NHSL2: variants seen among roughly 807,000 people sequenced by gnomAD.
NHSL2 encodes NHS like 2, also known as NHS-like protein 2.
A neutral mutation model predicts 53.4 loss-of-function variants in NHSL2; 27 were observed. The ratio of observed to expected loss-of-function variants is 0.51; its 90% confidence interval spans 0.37 to 0.70. The LOEUF (loss-of-function observed/expected upper bound fraction) is 0.70, where lower values mean the gene tolerates loss of function less well. NHSL2 is among the 30% of genes least tolerant of loss of function. NHSL2 has a pLI of 0.00. For missense variants in NHSL2, 892 were observed against 980.1 expected (o/e 0.91, Z 1.20); for synonymous variants, 408 against 404.1 (o/e 1.01, Z -0.12).
chrX:71,930,972 C>T (rs1389414630), intron 1 of NHSL2, among the ~76,000 whole-genome samples: 1 of 112,195 alleles, frequency 8.9e-6, no homozygotes, highest in Non-Finnish European at 1.9e-5. Context: ...GAGGAACTGC[C>T]AGACTGTTTT....
chrX:72,031,289 C>T (rs5951197), intron 1 of NHSL2, among the ~76,000 whole-genome samples: 5,919 of 111,100 alleles, frequency 0.053, 159 homozygotes, highest in South Asian at 0.097. Context: ...GACTCCTACA[C>T]ACCTGTTTTG....
intron 1 of NHSL2, chrX:72,069,661 C>T (rs964510348): frequency 4.8e-4 from 448 of 935,392 alleles, no homozygotes; most frequent in East Asian, 5.0e-4. Flanking sequence ...CAGCGGCCGC[C>T]GCGGTGGCTG....
rs984572451 is a variant in NHSL2 at position 72,115,246 on chromosome X, T to A, written c.281-16833T>A. ...CCTCGTTAACACTGAACCAGTTTGT[T>A]CTCCATGTCCGGCAATCAATTTTCA... On this transcript the variant is annotated intron_variant, in intron 1 of 7. Coordinates refer to ENST00000633930, the MANE Select transcript of NHSL2 (RefSeq NM_001013627.3). 3.6e-5 allele frequency among the ~76,000 whole-genome samples: 4 copies of A among 110,249 alleles called. No homozygotes were observed. The Admixed American group carries it at 3.8e-4, about 11-fold the overall frequency.
rs2042356905 is a variant in NHSL2, at chrX:72,136,512, T to C, written c.761-582T>C. 2.7e-5 allele frequency among the ~76,000 whole-genome samples: 3 copies of C among 112,180 alleles called. No individual in the cohort carries two copies. In the South Asian group the frequency reaches 1.1e-3, roughly 42 times the overall value. ...AGAAAGAAATAGAGCTCAATCACCATGCTGTGAGCCAGCTTTGGTAAAATG... is the reference window on the plus strand; with the variant it reads ...AGAAAGAAATAGAGCTCAATCACCACGCTGTGAGCCAGCTTTGGTAAAATG... On this transcript the variant is annotated intron_variant, in intron 4 of 7. Transcript: ENST00000633930.
At chrX:72,071,715 G>A (rs2041702500) in intron 1 of NHSL2, among the ~76,000 whole-genome samples, 1 of 111,257 alleles carries the variant, frequency 9.0e-6, no homozygotes, top group African/African-American at 3.3e-5. Flanking sequence ...CTTCTTGCTC[G>A]CTTTTCTCTC....
intron 1 of NHSL2, among the ~76,000 whole-genome samples, chrX:71,947,604 T>C (rs940961776): frequency 6.3e-5 from 7 of 111,766 alleles, no homozygotes; most frequent in African/African-American, 2.0e-4. Context: ...GGCCTTATGC[T>C]AGGGTGCTTC....
chrX:71,937,834 A>G (rs1229046390), intron 1 of NHSL2, among the ~76,000 whole-genome samples: 1 of 112,078 alleles, frequency 8.9e-6, no homozygotes, highest in Admixed American at 9.4e-5. Context: ...TATGTCTATG[A>G]TGAGTTAGCT....
At chrX:72,044,018 C>G (rs1487745719) in intron 1 of NHSL2, among the ~76,000 whole-genome samples, 2 of 111,981 alleles carry the variant, frequency 1.8e-5, no homozygotes, top group Non-Finnish European at 3.8e-5. Context: ...GGTCCCTGTC[C>G]TGAAAGCTAC....
intron 1 of NHSL2, among the ~76,000 whole-genome samples, chrX:72,119,424 C>G (rs1315860007): frequency 8.9e-6 from 1 of 111,914 alleles, no homozygotes; most frequent in Non-Finnish European, 1.9e-5. Flanking sequence ...TTGTTTCCAC[C>G]TTTAATTTTG....
Position 72,087,290 on chromosome X carries a change from G to A in NHSL2, c.281-44789G>A, listed in dbSNP as rs1332444627. Among the ~76,000 whole-genome samples the A allele has an allele frequency of 8.9e-5, 10 of 112,593 alleles. No homozygotes were observed. In the Admixed American group the frequency reaches 9.4e-4, roughly 11 times the overall value. ...AAATATTGTATGATTCCACTTATAT[G>A]AAACATGTAGACCAGACCAATTCAG... On this transcript the variant is annotated intron_variant, in intron 1 of 7. Coordinates refer to ENST00000633930, the MANE Select transcript of NHSL2 (RefSeq NM_001013627.3).
chrX:72,040,348 C>T (rs984523758), intron 1 of NHSL2, among the ~76,000 whole-genome samples: 4 of 112,499 alleles, frequency 3.6e-5, no homozygotes, highest in African/African-American at 1.3e-4. Flanking sequence ...GACTAACAAA[C>T]GGCCCTAACA....
chrX:72,015,261 G>A (rs1187985903), intron 1 of NHSL2, among the ~76,000 whole-genome samples: 1 of 111,573 alleles, frequency 9.0e-6, no homozygotes, highest in Non-Finnish European at 1.9e-5. Flanking sequence ...AATGCTCACG[G>A]TTTTTTGTTG....
At chrX:72,028,892 A>G (rs1364291567) in intron 1 of NHSL2, among the ~76,000 whole-genome samples, 1 of 112,338 alleles carries the variant, frequency 8.9e-6, no homozygotes, top group Non-Finnish European at 1.9e-5. Flanking sequence ...ATGTGGACCA[A>G]GCGTTGTTTG....
rs1204562804 is a variant in NHSL2 at position 72,150,468 on chromosome X, G to T, written c.*6894G>T. On this transcript the variant is annotated 3_prime_UTR_variant, in exon 8 of 8. Coordinates refer to ENST00000633930, the MANE Select transcript of NHSL2 (RefSeq NM_001013627.3). ...TCTTAATCTTTATGAGAAATTTTCAGACTGTTAAATGCTCATGAGATATTT... is the reference window on the plus strand; with the variant it reads ...TCTTAATCTTTATGAGAAATTTTCATACTGTTAAATGCTCATGAGATATTT... 8.9e-6 allele frequency: 1 copy of T among 112,059 alleles called. No individual in the cohort carries two copies. The highest frequency in any genetic ancestry group is 3.2e-5 in the African/African-American group (1 of 30,799). The allele number at this position is 112,059 out of a possible 1,213,427, so 9.2% of individuals were successfully genotyped here.
chrX:72,083,144 C>T lies in NHSL2; in HGVS notation c.281-48935C>T, dbSNP rs926596668. On this transcript the variant is annotated intron_variant, in intron 1 of 7. Coordinates refer to ENST00000633930, the MANE Select transcript of NHSL2 (RefSeq NM_001013627.3). ...CCCCCTCTCTCCAGCCCCACCGTTGCTGGTTCCCCCCTACAGTGTTGGGAT... is the reference window on the plus strand; with the variant it reads ...CCCCCTCTCTCCAGCCCCACCGTTGTTGGTTCCCCCCTACAGTGTTGGGAT... Among the ~76,000 whole-genome samples the T allele has an allele frequency of 5.4e-5, 6 of 111,761 alleles. No individual in the cohort carries two copies. The Admixed American group carries it at 5.7e-4, about 11-fold the overall frequency.
intron 1 of NHSL2, among the ~76,000 whole-genome samples, chrX:71,952,759 AC>A (rs2041826605): frequency 1.8e-5 from 2 of 110,198 alleles, no homozygotes; most frequent in Admixed American, 9.6e-5. Context: ...CTTCAGTTTC[AC>A]CTTCCTGTTG....
chrX:72,109,268 G>A (rs747967963), intron 1 of NHSL2, among the ~76,000 whole-genome samples: 2 of 111,857 alleles, frequency 1.8e-5, no homozygotes, highest in Admixed American at 9.5e-5. Context: ...ACATTAATTC[G>A]TTTAATCTTC....
At chrX:72,111,983 A>T (rs1298458766) in intron 1 of NHSL2, among the ~76,000 whole-genome samples, 1 of 110,628 alleles carries the variant, frequency 9.0e-6, no homozygotes, top group Non-Finnish European at 1.9e-5. Context: ...GGTGACTAGG[A>T]TCAGGACACC....
intron 1 of NHSL2, among the ~76,000 whole-genome samples, chrX:72,052,438 G>A (rs2042346145): frequency 8.9e-6 from 1 of 112,595 alleles, no homozygotes; most frequent in Non-Finnish European, 1.9e-5. Flanking sequence ...AGTCACAGAG[G>A]TGCCAAGAGG....
Sources: gnomAD v4.1 joint callset for allele counts (sites outside exome capture counted in the v4.1 genomes callset) on GRCh38, gnomAD v4.1.1 for gene constraint, MANE v1.5 for transcripts, NCBI Gene and HGNC (gene_info 2026-07-23, HGNC 2026-07-21) for gene names.